The following STOX2 variants were observed in gnomAD, a reference collection of about 807,000 sequenced individuals.
STOX2 encodes storkhead box 2.
A neutral mutation model predicts 60.9 loss-of-function variants in STOX2; 28 were observed. The observed-to-expected ratio is 0.46, with a 90% CI of 0.34 to 0.63. The LOEUF (loss-of-function observed/expected upper bound fraction) is 0.63, where lower values mean the gene tolerates loss of function less well. Ranked by LOEUF, STOX2 falls within the 30% of genes least tolerant of loss-of-function variation. The probability of loss-of-function intolerance (pLI) is 0.01; values close to 1 mark genes in which losing one functional copy is unlikely to be tolerated. For synonymous variants in STOX2, 472 were observed against 463.9 expected (o/e 1.02, Z -0.22); for missense variants, 1,024 against 1,187.7 (o/e 0.86, Z 2.03).
chr4:183,863,804 C>A (rs962026933), intron 1 of STOX2, among the ~76,000 whole-genome samples: 8 of 152,186 alleles, frequency 5.3e-5, no homozygotes, highest in Admixed American at 2.0e-4. Flanking sequence ...GATTATTATT[C>A]TTTTAATTTT....
intron 1 of STOX2, among the ~76,000 whole-genome samples, chr4:183,931,843 A>G (rs775884648): frequency 2.0e-4 from 30 of 152,244 alleles, no homozygotes; most frequent in Admixed American, 9.2e-4. Context: ...AGGAATTTGC[A>G]TGCTCTTAAG....
At chr4:183,874,904 C>T (rs13143793) in intron 1 of STOX2, among the ~76,000 whole-genome samples, 23 of 105,388 alleles carry the variant, frequency 2.2e-4, no homozygotes, top group Admixed American at 4.4e-4. Context: ...CCAGCCTGGG[C>T]GATGGCGAGA....
rs916155168 is a variant in STOX2, at chr4:184,020,964, T to C, written c.*3680T>C. The C allele has an allele frequency of 6.6e-6, 1 of 152,236 alleles. No homozygotes were observed. Among genetic ancestry groups the C allele is most frequent in the African/African-American group, 2.4e-5 (1 of 41,456 alleles). The allele number at this position is 152,236 out of a possible 1,614,324, so 9.4% of individuals were successfully genotyped here. A position where few individuals can be genotyped will look rare whatever the true frequency, so the allele number is the denominator to read the frequency against. Reference sequence around the variant, plus strand: ...GGAAGCAGAAGCATTGTTCCTTTTTTAGGTTGGCGCAGCTTTGCAAAACTC... The same window carrying C: ...GGAAGCAGAAGCATTGTTCCTTTTTCAGGTTGGCGCAGCTTTGCAAAACTC... On this transcript the variant is annotated 3_prime_UTR_variant, in exon 4 of 4. Transcript: ENST00000308497.
Position 184,009,133 on chromosome 4 carries a change from G to A in STOX2, c.320-25G>A, listed in dbSNP as rs200036859. The A allele has an allele frequency of 1.5e-5, 18 of 1,187,194 alleles. No individual in the cohort carries two copies. Among genetic ancestry groups the A allele is most frequent in the East Asian group, 2.4e-5 (1 of 41,070 alleles). 73.5% of individuals were successfully genotyped at this position (1,187,194 alleles called of 1,614,324 possible). A position where few individuals can be genotyped will look rare whatever the true frequency, so the allele number is the denominator to read the frequency against. On this transcript the variant is annotated intron_variant, in intron 2 of 3. Transcript: ENST00000308497. The surrounding 1 kb of genome is among the most constrained non-coding windows in gnomAD (Gnocchi z 4.0). ...ACATGTTCTGTCTTCATTCTCACAA[G>A]TGGTTTTTTTTTTTTTTTTTTCAGG...
intron 1 of STOX2, among the ~76,000 whole-genome samples, chr4:183,861,309 G>GC (rs780229269): frequency 1.8e-4 from 1 of 5,548 alleles, no homozygotes; most frequent in African/African-American, 2.9e-4. Flanking sequence ...CCGTTACCTT[G>GC]GGGGGGTCCT....
At chr4:183,844,299 A>G (rs1261481839) in intron 1 of STOX2, among the ~76,000 whole-genome samples, 3 of 152,236 alleles carry the variant, frequency 2.0e-5, no homozygotes, top group Admixed American at 2.0e-4. Context: ...TTTCCTAGAA[A>G]AAAAACCTGA....
chr4:183,851,291 GAGAA>G (rs1468477562), intron 1 of STOX2, among the ~76,000 whole-genome samples: 7 of 83,908 alleles, frequency 8.3e-5, no homozygotes, highest in Non-Finnish European at 1.4e-4. Context: ...GAAAGGATGA[GAGAA>G]AGGATGAGGG....
intron 1 of STOX2, among the ~76,000 whole-genome samples, chr4:183,950,944 G>T (rs548972323): frequency 5.9e-5 from 9 of 152,120 alleles, no homozygotes; most frequent in Admixed American, 2.0e-4. Flanking sequence ...GGCCGGGCGC[G>T]GTGGCTCACG....
At chr4:183,805,388 G>A (rs910334871) in intron 1 of STOX2, among the ~76,000 whole-genome samples, 16 of 152,216 alleles carry the variant, frequency 1.1e-4, no homozygotes, top group African/African-American at 3.9e-4. Context: ...TTATCTCAAT[G>A]AGGAATAAAT....
At chr4:184,014,378 A>G (rs999359896) in intron 3 of STOX2, 10 of 152,148 alleles carry the variant, frequency 6.6e-5, no homozygotes, top group Admixed American at 5.9e-4. Flanking sequence ...GATAAACACA[A>G]TATGAAAATC....
chr4:183,985,515 TAA>T, intron 1 of STOX2, among the ~76,000 whole-genome samples: 1 of 152,146 alleles, frequency 6.6e-6, no homozygotes, highest in African/African-American at 2.4e-5. Flanking sequence ...CACCAGTACT[TAA>T]CTTTCAGAGT....
chr4:183,816,876 T>G (rs1003559484), intron 1 of STOX2, among the ~76,000 whole-genome samples: 2 of 152,230 alleles, frequency 1.3e-5, no homozygotes, highest in African/African-American at 4.8e-5. Flanking sequence ...TGCCAAAACT[T>G]CTTTGCAGAG....
At chr4:183,898,519 C>T (rs1265447573) in intron 1 of STOX2, among the ~76,000 whole-genome samples, 1 of 152,102 alleles carries the variant, frequency 6.6e-6, no homozygotes, top group African/African-American at 2.4e-5. Flanking sequence ...GGAGAGAGGC[C>T]TGGGTTGGTG....
At chr4:183,964,448 C>CTT (rs1301278332) in intron 1 of STOX2, among the ~76,000 whole-genome samples, 1 of 152,128 alleles carries the variant, frequency 6.6e-6, no homozygotes, top group Non-Finnish European at 1.5e-5. Context: ...GAAATGCTGT[C>CTT]TTTATCTCAG....
intron 1 of STOX2, among the ~76,000 whole-genome samples, chr4:183,891,726 A>C (rs1373759271): frequency 6.6e-6 from 1 of 152,062 alleles, no homozygotes. Context: ...TTATGTCGCC[A>C]CACACCACCT....
In STOX2 at chr4:183,906,543, C is replaced by T. The variant is rs997990005; in HGVS notation, c.-248C>T. The T allele has an allele frequency of 6.6e-6, 2 of 301,506 alleles. No individual in the cohort carries two copies. The highest frequency in any genetic ancestry group is 5.0e-5 in the Admixed American group (1 of 19,864). The allele number at this position is 301,506 out of a possible 1,614,324, so 18.7% of individuals were successfully genotyped here. ...CCCCAGGAATCTGGAAGCTATAAGC[C>T]GGGCGGATTGCAAATGAAGTGTAAT... On this transcript the variant is annotated 5_prime_UTR_variant, in exon 1 of 4. Coordinates refer to ENST00000308497, the MANE Select transcript of STOX2 (RefSeq NM_020225.3).
chr4:183,931,937 T>C (rs1464445255), intron 1 of STOX2, among the ~76,000 whole-genome samples: 1 of 151,866 alleles, frequency 6.6e-6, no homozygotes, highest in Non-Finnish European at 1.5e-5. Flanking sequence ...CAGAGAAGGA[T>C]TGGAGCGGGC....
chr4:183,962,268 A>T (rs779395477), intron 1 of STOX2, among the ~76,000 whole-genome samples: 3 of 152,178 alleles, frequency 2.0e-5, no homozygotes, highest in Non-Finnish European at 2.9e-5. Context: ...TGTAGAAATC[A>T]CATTTCTTAA....
chr4:183,921,791 G>GAT, intron 1 of STOX2, among the ~76,000 whole-genome samples: 1 of 152,124 alleles, frequency 6.6e-6, no homozygotes, highest in Non-Finnish European at 1.5e-5. Context: ...AGTTAAAAAT[G>GAT]ATATCTTTTA....
Sources: allele counts gnomAD v4.1 joint callset (sites outside exome capture counted in the v4.1 genomes callset), GRCh38; gene constraint gnomAD v4.1.1; non-coding constraint Gnocchi (gnomAD v3.1); transcripts MANE v1.5; gene names NCBI Gene and HGNC (gene_info 2026-07-23, HGNC 2026-07-21).